Variants in TOX observed in about 807,000 individuals in gnomAD.
TOX encodes the protein thymocyte selection-associated high mobility group box protein TOX.
A neutral mutation model predicts 53.7 loss-of-function variants in TOX; 11 were observed. The observed-to-expected ratio is 0.20, with a 90% confidence interval of 0.13 to 0.34. The LOEUF is 0.34. Among genes scored for constraint, TOX ranks in the 10% least tolerant of loss-of-function variants. TOX has a pLI of 1.00. For synonymous variants in TOX, 225 were observed against 245.3 expected (o/e 0.92, Z 0.77); for missense variants, 570 against 664.6 (o/e 0.86, Z 1.56).
chr8:59,049,013 A>T (rs1585986872), intron 1 of TOX, among the ~76,000 whole-genome samples: 1 of 152,294 alleles, frequency 6.6e-6, no homozygotes, highest in African/African-American at 2.4e-5. Context: ...AGCTCTTTTC[A>T]GCTAGTTTGC....
At chr8:59,035,520 G>A (rs1293508495) in intron 1 of TOX, among the ~76,000 whole-genome samples, 1 of 152,156 alleles carries the variant, frequency 6.6e-6, no homozygotes, top group African/African-American at 2.4e-5. Context: ...GACTACAAGT[G>A]CATCGACGCC....
At chr8:59,035,039 C>T (rs929791077) in intron 1 of TOX, among the ~76,000 whole-genome samples, 4 of 152,046 alleles carry the variant, frequency 2.6e-5, no homozygotes, top group Non-Finnish European at 5.9e-5. Flanking sequence ...CAGGTGTGGG[C>T]GGAAGGAAAG....
chr8:58,910,667 T>C lies in TOX; in HGVS notation c.411+28635A>G, dbSNP rs1477786139. Among the ~76,000 whole-genome samples the C allele has an allele frequency of 2.0e-5, 3 of 152,256 alleles. No individual in the cohort carries two copies. In the East Asian group the frequency reaches 5.8e-4, roughly 29 times the overall value. ...AAAAGTATGATTTGATTTATCAAAA[T>C]GTATTTATCAAGCACCTTTTAGAGA... On this transcript the variant is annotated intron_variant, in intron 3 of 8. Coordinates refer to ENST00000361421, the MANE Select transcript of TOX (RefSeq NM_014729.3).
chr8:59,084,363 T>C (rs901743566), intron 1 of TOX, among the ~76,000 whole-genome samples: 1 of 152,146 alleles, frequency 6.6e-6, no homozygotes, highest in African/African-American at 2.4e-5. Context: ...TGTATTAATA[T>C]TGTACTGGAA....
chr8:58,886,620 AG>A (rs1811472470), intron 3 of TOX, among the ~76,000 whole-genome samples: 3 of 152,118 alleles, frequency 2.0e-5, no homozygotes, highest in Admixed American at 2.0e-4. Flanking sequence ...ATAATCTTCA[AG>A]CAAATGTTAG....
At chr8:58,961,362 T>G (rs908712883) in intron 1 of TOX, among the ~76,000 whole-genome samples, 1 of 152,214 alleles carries the variant, frequency 6.6e-6, no homozygotes, top group Non-Finnish European at 1.5e-5. Context: ...GTGAACAACT[T>G]ATCTAAACAG....
intron 1 of TOX, among the ~76,000 whole-genome samples, chr8:59,033,772 G>C (rs1390938591): frequency 2.6e-5 from 4 of 152,136 alleles, no homozygotes; most frequent in Admixed American, 2.6e-4. Context: ...GCCCACACTG[G>C]AATGTATTTA....
At position 58,941,198 on chromosome 8, in the gene TOX, C is replaced by G. The variant is rs1480397672; in HGVS notation, c.169-1654G>C. Among the ~76,000 whole-genome samples the G allele has an allele frequency of 2.6e-5, 4 of 152,198 alleles. No homozygotes were observed. The East Asian group carries it at 7.7e-4, about 29-fold the overall frequency. ...TCGTCTGATATACTTTAGACCCTTA[C>G]AGATCTAAGCCATTGGTTCCTTGTA... On this transcript the variant is annotated intron_variant, in intron 2 of 8. Transcript: ENST00000361421.
At chr8:58,937,573 G>C (rs28523574) in intron 3 of TOX, among the ~76,000 whole-genome samples, 2,003 of 152,316 alleles carry the variant, frequency 0.013, 58 homozygotes, top group African/African-American at 0.046. Flanking sequence ...ATAAGCATTT[G>C]TTTAAGAGTG....
chr8:59,106,765 C>T (rs922379943), intron 1 of TOX, among the ~76,000 whole-genome samples: 2 of 152,060 alleles, frequency 1.3e-5, no homozygotes, highest in Admixed American at 6.5e-5. Flanking sequence ...ACCAACTAAC[C>T]GCTCAACAGG....
At chr8:58,971,449 G>T (rs1334314847) in intron 1 of TOX, among the ~76,000 whole-genome samples, 4 of 152,204 alleles carry the variant, frequency 2.6e-5, no homozygotes, top group African/African-American at 9.7e-5. Flanking sequence ...AGTAAAAATT[G>T]TTCTTGCTCT....
chr8:58,864,112 C>T (rs927610089), intron 3 of TOX, among the ~76,000 whole-genome samples: 4 of 151,996 alleles, frequency 2.6e-5, no homozygotes, highest in African/African-American at 9.7e-5. Context: ...AATGATATGT[C>T]TAAGATAGTG....
intron 3 of TOX, among the ~76,000 whole-genome samples, chr8:58,913,058 T>A (rs1244566273): frequency 6.6e-6 from 1 of 152,236 alleles, no homozygotes; most frequent in Non-Finnish European, 1.5e-5. Flanking sequence ...CCCAATCGAA[T>A]GTTTATTCTT....
intron 1 of TOX, among the ~76,000 whole-genome samples, chr8:59,055,107 AC>A (rs1803867942): frequency 6.6e-6 from 1 of 152,158 alleles, no homozygotes; most frequent in African/African-American, 2.4e-5. Flanking sequence ...TCTATGTGCC[AC>A]TGAACTGATG....
intron 5 of TOX, among the ~76,000 whole-genome samples, chr8:58,833,679 G>C (rs1345119023): frequency 6.6e-6 from 1 of 152,202 alleles, no homozygotes; most frequent in Non-Finnish European, 1.5e-5. Flanking sequence ...TCCATCTGGT[G>C]CATTTTAAAC....
intron 1 of TOX, among the ~76,000 whole-genome samples, chr8:59,114,511 C>T (rs1805068924): frequency 6.6e-6 from 1 of 152,268 alleles, no homozygotes; most frequent in African/African-American, 2.4e-5. Context: ...TATTTAACAA[C>T]CTGAAAACTT....
intron 1 of TOX, among the ~76,000 whole-genome samples, chr8:59,020,362 C>T (rs927498367): frequency 9.9e-5 from 15 of 152,144 alleles, no homozygotes; most frequent in African/African-American, 3.1e-4. Flanking sequence ...ATGTCCCACC[C>T]GCTGTGAGGA....
intron 1 of TOX, among the ~76,000 whole-genome samples, chr8:58,966,695 T>C (rs1013354589): frequency 2.6e-5 from 4 of 152,154 alleles, no homozygotes; most frequent in South Asian, 2.1e-4. Context: ...TTTTCAATAA[T>C]AATAATAATA....
At chr8:58,931,330 C>CAA (rs113247058) in intron 3 of TOX, among the ~76,000 whole-genome samples, 2 of 137,638 alleles carry the variant, frequency 1.5e-5, no homozygotes, top group African/African-American at 5.2e-5. Context: ...TCATAAATGT[C>CAA]AAAAAAAAAA....
Sources: gnomAD v4.1 joint callset for allele counts (sites outside exome capture counted in the v4.1 genomes callset) on GRCh38, gnomAD v4.1.1 for gene constraint, MANE v1.5 for transcripts, NCBI Gene and HGNC (gene_info 2026-07-23, HGNC 2026-07-21) for gene names.